The following CASP1 variants were observed in gnomAD, a reference collection of about 807,000 sequenced individuals.
CASP1 encodes the protein caspase 1.
A neutral mutation model predicts 41.2 loss-of-function variants in CASP1; 31 were observed. The observed-to-expected ratio is 0.75, with a 90% CI of 0.57 to 1.02. The LOEUF (loss-of-function observed/expected upper bound fraction) is 1.02, where lower values mean the gene tolerates loss of function less well. CASP1 is among the 50% of genes least tolerant of loss of function. CASP1 has a pLI of 0.00. For missense variants in CASP1, 490 were observed against 495.7 expected (o/e 0.99, Z 0.11); for synonymous variants, 163 against 166.5 (o/e 0.98, Z 0.16).
At chr11:105,030,269 C>T in intron 5 of CASP1, 61 bp downstream of exon 5, 1 of 1,382,264 alleles carries the variant, frequency 7.2e-7, no homozygotes. Context: ...ACCAAGCTTT[C>T]TAATATTATT....
chr11:105,030,690 A>T (rs953477140), intron 4 of CASP1, 187 bp from the exon 5 acceptor site: 2 of 510,366 alleles, frequency 3.9e-6, no homozygotes. Context: ...AAATGCCCAG[A>T]TGGCAGCTGA....
At position 105,029,127 on chromosome 11, in the gene CASP1, G is replaced by A. The variant is rs1279756289; in HGVS notation, c.1003C>T (p.Pro335Ser). 5.0e-6 allele frequency: 8 copies of A among 1,612,490 alleles called. No individual in the cohort carries two copies. In the Admixed American group the frequency reaches 1.0e-4, roughly 20 times the overall value. ...GTCCTGTGTAGAAACCTGTTACCTG[G>A]TGTGGAAGAGCAGAAAGCGATAAAA... ...KDFIAFCSST[P>S]DNVSWRHPTM... is the part of the protein sequence containing the mutation. Residue 335 changes from proline to serine, a missense_variant, in exon 7 of 9, where the codon CCA becomes TCA. Transcript: ENST00000533400.
chr11:105,030,015 G>C (rs1863582488), intron 5 of CASP1, 116 bp from the exon 6 acceptor site: 1 of 834,228 alleles, frequency 1.2e-6, no homozygotes, highest in Non-Finnish European at 1.9e-6. Flanking sequence ...CAAACAACAG[G>C]GTGCCAAAAA....
chr11:105,029,026 G>A (rs1591194978), intron 7 of CASP1, 98 bp downstream of exon 7: 1 of 1,115,166 alleles, frequency 9.0e-7, no homozygotes, highest in South Asian at 1.6e-5. Flanking sequence ...AACAAAGCTT[G>A]AGTTGGTCTT....
chr11:105,032,662 G>T (rs1466723367), intron 3 of CASP1, among the ~76,000 whole-genome samples: 5 of 152,172 alleles, frequency 3.3e-5, no homozygotes, highest in African/African-American at 9.7e-5. Flanking sequence ...TGAGTTTCAA[G>T]TTCCTGGTTT....
At chr11:105,035,616 C>CTTTTTTTTTTTTT (rs770202897), upstream of CASP1, among the ~76,000 whole-genome samples, 386 of 51,980 alleles carry the variant, frequency 7.4e-3, 13 homozygotes, top group Non-Finnish European at 9.0e-3. Flanking sequence ...TTTTTTCTTT[C>CTTTTTTTTTTTTT]TGTTTTTTTT....
At position 105,029,657 on chromosome 11, in the gene CASP1, G is replaced by A; in HGVS notation, c.862+8C>T. ...TTGTCTGGTGTTCTCAAAGGCATCAGCACTCACCACCACGGCAGGCCTGGA... is the reference window on the plus strand; with the variant it reads ...TTGTCTGGTGTTCTCAAAGGCATCAACACTCACCACCACGGCAGGCCTGGA... On this transcript the variant is annotated splice_region_variant and intron_variant, in intron 6 of 8. Coordinates refer to ENST00000533400, the MANE Select transcript of CASP1 (RefSeq NM_001257118.3). 6.3e-7 allele frequency: 1 copy of A among 1,596,956 alleles called. No individual in the cohort carries two copies. Among genetic ancestry groups the A allele is most frequent in the Non-Finnish European group, 8.6e-7 (1 of 1,164,696 alleles).
upstream of CASP1, among the ~76,000 whole-genome samples, chr11:105,036,380 G>A (rs146516630): frequency 6.6e-6 from 1 of 152,088 alleles, no homozygotes; most frequent in South Asian, 2.1e-4. Context: ...ACATTCAAGA[G>A]GGAAAGACAA....
rs199667142 is a variant in CASP1 at position 105,030,330 on chromosome 11, C to T, written c.627G>A (p.Ser209=). Residue 209 remains serine (S), a splice_region_variant and synonymous_variant, in exon 5 of 9, where the codon TCG becomes TCA. Coordinates refer to ENST00000533400, the MANE Select transcript of CASP1 (RefSeq NM_001257118.3). ...GTTTCTGTTGTATAATAGAACTTAC[C>T]GAAGCAGTGAGATTTTTTTTCACAT... is the stretch of plus-strand genomic sequence containing the variant. ...SVDVKKNLTA[S]DMTTELEAFA... The T allele has an allele frequency of 1.2e-5, 19 of 1,610,074 alleles. No individual in the cohort carries two copies. Among genetic ancestry groups the T allele is most frequent in the African/African-American group, 9.4e-5 (7 of 74,828 alleles).
At chr11:105,028,445 A>G (rs928412562) in intron 7 of CASP1, among the ~76,000 whole-genome samples, 2 of 152,098 alleles carry the variant, frequency 1.3e-5, no homozygotes, top group African/African-American at 2.4e-5. Flanking sequence ...AAATAATAGC[A>G]GTTTTTTAAT....
At chr11:105,033,808 T>C in intron 2 of CASP1, 5 of 489,242 alleles carry the variant, frequency 1.0e-5, no homozygotes, top group Non-Finnish European at 2.0e-5. Context: ...AAGTATTTGA[T>C]TATAAACCTT....
Position 105,026,361 on chromosome 11 carries a change from A to C in CASP1, c.1117-5T>G. The C allele has an allele frequency of 6.3e-7, 1 of 1,591,416 alleles. No homozygotes were observed. The highest frequency in any genetic ancestry group is 8.6e-7 in the Non-Finnish European group (1 of 1,160,826). On this transcript the variant is annotated splice_region_variant and splice_polypyrimidine_tract_variant and intron_variant, in intron 8 of 8. Transcript: ENST00000533400. The stretch of plus-strand genomic sequence containing the variant: ...CTGCTCAAATGAAAATCGAACCTAA[A>C]AGAGTAAGGAAAGTCTGTAGCCCTT...
At position 105,029,135 on chromosome 11, in the gene CASP1, G is replaced by A; in HGVS notation, c.995C>T (p.Ser332Phe). Residue 332 changes from serine to phenylalanine, a missense_variant, in exon 7 of 9, where the codon TCT (serine) becomes TTT (phenylalanine). By Grantham distance (155) the Ser-to-Phe change is radical. Coordinates refer to ENST00000533400, the MANE Select transcript of CASP1 (RefSeq NM_001257118.3). ...TAGAAACCTGTTACCTGGTGTGGAA[G>A]AGCAGAAAGCGATAAAATCCTTCTC... is the stretch of plus-strand genomic sequence containing the variant. The part of the protein sequence containing the change: ...HIEKDFIAFC[S>F]STPDNVSWRH... 6.2e-7 allele frequency: 1 copy of A among 1,612,902 alleles called. No homozygotes were observed. Among genetic ancestry groups the A allele is most frequent in the East Asian group, 2.2e-5 (1 of 44,838 alleles).
intron 3 of CASP1, 69 bp from the exon 4 acceptor site, chr11:105,031,349 T>C: frequency 1.2e-6 from 1 of 854,658 alleles, no homozygotes; most frequent in Non-Finnish European, 2.0e-6. Flanking sequence ...TGTTACAGCC[T>C]CACCTATGGA....
At chr11:105,029,612 C>G in intron 6 of CASP1, 53 bp downstream of exon 6, 1 of 1,350,958 alleles carries the variant, frequency 7.4e-7, no homozygotes, top group Non-Finnish European at 1.1e-6. Context: ...TGGATGCATA[C>G]AGAGTAGGAT....
Position 105,025,775 on chromosome 11 carries a change from G to C in CASP1, c.*483C>G, listed in dbSNP as rs903999809. 3.5e-6 allele frequency: 1 copy of C among 283,508 alleles called. No homozygotes were observed. Among genetic ancestry groups the C allele is most frequent in the African/African-American group, 2.3e-5 (1 of 44,216 alleles). 17.6% of individuals were successfully genotyped at this position (283,508 alleles called of 1,614,324 possible). On this transcript the variant is annotated 3_prime_UTR_variant, in exon 9 of 9. Transcript: ENST00000533400. The stretch of plus-strand genomic sequence containing the variant: ...AAGGAGAGAAACATCCAAAAGTGAG[G>C]GTTTGTAGTCTTACGGCCACTTCTA...
chr11:105,030,933 C>A (rs1020410322), intron 4 of CASP1: 33 of 465,778 alleles, frequency 7.1e-5, no homozygotes, highest in African/African-American at 6.3e-4. Context: ...TCTTAATAAG[C>A]ATTCAATAGC....
intron 2 of CASP1, among the ~76,000 whole-genome samples, chr11:105,033,358 T>A (rs986867998): frequency 6.6e-6 from 1 of 152,212 alleles, no homozygotes; most frequent in Non-Finnish European, 1.5e-5. Flanking sequence ...CAGAAACATC[T>A]GCAATGTCTG....
chr11:105,030,519 T>C lies in CASP1; in HGVS notation c.454-16A>G. 6.2e-7 allele frequency: 1 copy of C among 1,606,794 alleles called. No individual in the cohort carries two copies. Among genetic ancestry groups the C allele is most frequent in the South Asian group, 1.1e-5 (1 of 90,252 alleles). ...TTGGATAAATCTGTAGGAAATGCAA[T>C]TTGAATGAACAGCCTTGTTCTTTCC... On this transcript the variant is annotated splice_polypyrimidine_tract_variant and intron_variant, in intron 4 of 8. Coordinates refer to ENST00000533400, the MANE Select transcript of CASP1 (RefSeq NM_001257118.3).
Sources: gnomAD v4.1 joint callset for allele counts (sites outside exome capture counted in the v4.1 genomes callset) on GRCh38, gnomAD v4.1.1 for gene constraint, MANE v1.5 for transcripts, NCBI Gene and HGNC (gene_info 2026-07-23, HGNC 2026-07-21) for gene names.